The following IL1RAPL2 variants were observed in gnomAD, a reference collection of about 807,000 sequenced individuals.
The protein encoded by IL1RAPL2 is interleukin 1 receptor accessory protein like 2.
Under a neutral mutation model 44.1 loss-of-function variants are expected in IL1RAPL2, and 3 were observed. The observed-to-expected ratio is 0.07, with a 90% CI of 0.03 to 0.18. IL1RAPL2 has a LOEUF of 0.18. IL1RAPL2 is among the 10% of genes least tolerant of loss of function. IL1RAPL2 has a pLI of 1.00. For missense variants in IL1RAPL2, 391 were observed against 496.4 expected, an observed-to-expected ratio of 0.79 and a Z score of 2.02; for synonymous variants, 181 against 178.8, an observed-to-expected ratio of 1.01 and a Z score of -0.10.
At chrX:105,527,667 A>AT (rs769760356) in intron 6 of IL1RAPL2, among the ~76,000 whole-genome samples, 3 of 110,918 alleles carry the variant, frequency 2.7e-5, no homozygotes, top group Admixed American at 9.6e-5. Flanking sequence ...CCTTTGAATC[A>AT]TTTTTTTACC....
intron 2 of IL1RAPL2, among the ~76,000 whole-genome samples, chrX:104,672,126 T>C (rs1319470062): frequency 9.0e-6 from 1 of 111,255 alleles, no homozygotes; most frequent in Non-Finnish European, 1.9e-5. Context: ...ACTTTAAGTT[T>C]TAGGGTACAT....
chrX:105,485,386 A>G (rs1341713766), intron 6 of IL1RAPL2, among the ~76,000 whole-genome samples: 1 of 111,485 alleles, frequency 9.0e-6, no homozygotes, highest in East Asian at 2.8e-4. Context: ...CAGGTATACA[A>G]TGTACAATAA....
chrX:105,284,238 C>A (rs1393575277), intron 5 of IL1RAPL2, among the ~76,000 whole-genome samples: 1 of 112,019 alleles, frequency 8.9e-6, no homozygotes, highest in Non-Finnish European at 1.9e-5. Flanking sequence ...GGCAACAAAG[C>A]AAGTTTTGGG....
intron 6 of IL1RAPL2, among the ~76,000 whole-genome samples, chrX:105,619,776 A>G (rs1171178014): frequency 2.7e-5 from 3 of 111,205 alleles, no homozygotes; most frequent in African/African-American, 9.8e-5. Flanking sequence ...GGACTCTAGG[A>G]TGAGAGAAAG....
intron 6 of IL1RAPL2, among the ~76,000 whole-genome samples, chrX:105,716,669 C>A (rs1417377324): frequency 9.0e-6 from 1 of 111,324 alleles, no homozygotes; most frequent in Non-Finnish European, 1.9e-5. Context: ...CAATTTGACA[C>A]CTAAAAATAA....
chrX:105,655,126 T>C (rs949538029), intron 6 of IL1RAPL2, among the ~76,000 whole-genome samples: 1 of 112,738 alleles, frequency 8.9e-6, no homozygotes, highest in African/African-American at 3.2e-5. Flanking sequence ...TTTGGATGTT[T>C]CTTTCTGCCG....
intron 2 of IL1RAPL2, among the ~76,000 whole-genome samples, chrX:104,683,722 G>A (rs934907959): frequency 8.9e-6 from 1 of 112,634 alleles, no homozygotes; most frequent in African/African-American, 3.2e-5. Context: ...GCTGTAAGCA[G>A]CTATCTTCTT....
At chrX:105,615,364 A>G (rs1170656971) in intron 6 of IL1RAPL2, among the ~76,000 whole-genome samples, 1 of 112,082 alleles carries the variant, frequency 8.9e-6, no homozygotes, top group Non-Finnish European at 1.9e-5. Flanking sequence ...AGTATATCAA[A>G]GAGGTATCTG....
intron 2 of IL1RAPL2, among the ~76,000 whole-genome samples, chrX:104,948,719 T>C (rs1925470588): frequency 9.1e-6 from 1 of 110,283 alleles, no homozygotes; most frequent in Non-Finnish European, 1.9e-5. Context: ...CTGGATTACG[T>C]TTATTGATTT....
At chrX:104,726,551 T>A (rs1222990050) in intron 2 of IL1RAPL2, among the ~76,000 whole-genome samples, 1 of 111,471 alleles carries the variant, frequency 9.0e-6, no homozygotes, top group Non-Finnish European at 1.9e-5. Flanking sequence ...TCCTCTCTTA[T>A]TTCCTTGAGT....
intron 2 of IL1RAPL2, among the ~76,000 whole-genome samples, chrX:104,863,517 A>G (rs780644057): frequency 8.9e-6 from 1 of 112,071 alleles, no homozygotes; most frequent in South Asian, 3.7e-4. Context: ...GCTTCCAATG[A>G]CAGATTATAG....
intron 6 of IL1RAPL2, among the ~76,000 whole-genome samples, chrX:105,689,014 A>C (rs1420277800): frequency 1.8e-5 from 2 of 112,137 alleles, no homozygotes; most frequent in East Asian, 5.6e-4. Flanking sequence ...AAAACTGGCT[A>C]GTCATATGTA....
intron 2 of IL1RAPL2, among the ~76,000 whole-genome samples, chrX:104,727,891 G>A (rs1301347115): frequency 1.8e-5 from 2 of 109,859 alleles, no homozygotes; most frequent in South Asian, 3.9e-4. Context: ...TCACTTATAA[G>A]TGTGAGCTAA....
chrX:105,230,944 C>T (rs1373083185), intron 3 of IL1RAPL2, among the ~76,000 whole-genome samples: 1 of 112,317 alleles, frequency 8.9e-6, no homozygotes, highest in Non-Finnish European at 1.9e-5. Context: ...GGGATAAATA[C>T]ATCTGGGACA....
At chrX:104,717,761 C>G (rs768863036) in intron 2 of IL1RAPL2, among the ~76,000 whole-genome samples, 2 of 109,182 alleles carry the variant, frequency 1.8e-5, no homozygotes, top group Admixed American at 9.8e-5. Flanking sequence ...TCTCCCCCCC[C>G]CACCCCACAA....
chrX:104,921,633 G>A (rs1351505679), intron 2 of IL1RAPL2, among the ~76,000 whole-genome samples: 3 of 112,528 alleles, frequency 2.7e-5, no homozygotes, highest in African/African-American at 9.7e-5. Flanking sequence ...TTCGTAGCCT[G>A]ATCTCTAGCA....
intron 6 of IL1RAPL2, among the ~76,000 whole-genome samples, chrX:105,597,552 G>A (rs187450248): frequency 9.0e-5 from 10 of 111,031 alleles, no homozygotes; most frequent in African/African-American, 2.9e-4. Context: ...GCCAGAGAGC[G>A]AGGAGGGGGG....
intron 5 of IL1RAPL2, among the ~76,000 whole-genome samples, chrX:105,383,892 C>T (rs185060504): frequency 9.0e-6 from 1 of 111,565 alleles, no homozygotes; most frequent in African/African-American, 3.2e-5. Flanking sequence ...TACCCACTGG[C>T]CATTTATATG....
chrX:104,730,875 C>G (rs1231541468), intron 2 of IL1RAPL2, among the ~76,000 whole-genome samples: 1 of 111,204 alleles, frequency 9.0e-6, no homozygotes, highest in Non-Finnish European at 1.9e-5. Flanking sequence ...CACATCCTCT[C>G]CAGCACCTGT....
Sources: allele counts gnomAD v4.1 joint callset (sites outside exome capture counted in the v4.1 genomes callset), GRCh38; gene constraint gnomAD v4.1.1; transcripts MANE v1.5; gene names NCBI Gene and HGNC (gene_info 2026-07-23, HGNC 2026-07-21).